The following QTMAN variants were observed in gnomAD, a reference collection of about 807,000 sequenced individuals.
QTMAN encodes the protein queuosine-tRNA mannosyltransferase, also known as tRNA-queuosine alpha-mannosyltransferase.
chr2:144,007,300 C>A, the QTMAN span: 774 of 1,613,140 alleles, frequency 4.8e-4, 17 homozygotes, highest in South Asian at 8.0e-3. Flanking sequence ...CTTGAATTAT[C>A]TGACGAGGTG....
chr2:144,274,501 C>T, the QTMAN span, among the ~76,000 whole-genome samples: 34 of 152,272 alleles, frequency 2.2e-4, no homozygotes, highest in African/African-American at 7.2e-4. Context: ...AGGGTCTGAA[C>T]GTTGATTGAG....
chr2:143,944,990 T>C, the QTMAN span: 4 of 151,982 alleles, frequency 2.6e-5, no homozygotes, highest in Admixed American at 1.3e-4. Context: ...TCTTAGCCAC[T>C]ATGAAGCGTA....
the QTMAN span, chr2:144,230,124 T>G: frequency 5.3e-5 from 8 of 152,178 alleles, no homozygotes; most frequent in Non-Finnish European, 1.2e-4. Flanking sequence ...GGTCCCTATA[T>G]GATATGAAGT....
At chr2:144,142,097 C>CTGA in the QTMAN span, 54 of 1,429,422 alleles carry the variant, frequency 3.8e-5, no homozygotes, top group Non-Finnish European at 4.4e-5. Flanking sequence ...AGCCCAGACT[C>CTGA]ATTCAGAGTA....
the QTMAN span, among the ~76,000 whole-genome samples, chr2:144,159,850 A>C: frequency 2.0e-5 from 3 of 152,128 alleles, no homozygotes; most frequent in South Asian, 2.1e-4. Context: ...AATGCAGATT[A>C]AGTATATATT....
At chr2:144,112,348 T>G in the QTMAN span, among the ~76,000 whole-genome samples, 3 of 152,112 alleles carry the variant, frequency 2.0e-5, no homozygotes, top group Non-Finnish European at 4.4e-5. Context: ...TTCTAATAAG[T>G]GGAGACAAGA....
At chr2:144,004,674 T>C in the QTMAN span, among the ~76,000 whole-genome samples, 182 of 152,144 alleles carry the variant, frequency 1.2e-3, 1 homozygote, top group African/African-American at 4.2e-3. Flanking sequence ...AGTAAATGTC[T>C]GCCTAGACCC....
chr2:143,945,949 AG>A, the QTMAN span: 1 of 152,256 alleles, frequency 6.6e-6, no homozygotes, highest in African/African-American at 2.4e-5. Context: ...CTCTGTCACA[AG>A]GAAAACGTTC....
the QTMAN span, among the ~76,000 whole-genome samples, chr2:144,073,539 G>A: frequency 1.3e-5 from 2 of 152,226 alleles, no homozygotes; most frequent in East Asian, 1.9e-4. Flanking sequence ...AGCCCAAGAA[G>A]TTCTGCATAG....
chr2:144,199,622 A>T, the QTMAN span, among the ~76,000 whole-genome samples: 1 of 152,144 alleles, frequency 6.6e-6, no homozygotes, highest in Non-Finnish European at 1.5e-5. Context: ...TTCCCCAAAA[A>T]TCTCTAGCTC....
the QTMAN span, among the ~76,000 whole-genome samples, chr2:144,148,961 C>T: frequency 6.6e-6 from 1 of 151,772 alleles, no homozygotes. Flanking sequence ...GCTCGTAAAA[C>T]GGTAAAGTGG....
the QTMAN span, among the ~76,000 whole-genome samples, chr2:144,014,215 G>T: frequency 2.6e-5 from 4 of 152,156 alleles, no homozygotes; most frequent in Non-Finnish European, 4.4e-5. Flanking sequence ...GTCTATGAAG[G>T]ATGTTTCAGT....
the QTMAN span, among the ~76,000 whole-genome samples, chr2:143,999,236 GCACA>G: frequency 6.6e-6 from 1 of 151,988 alleles, no homozygotes; most frequent in African/African-American, 2.4e-5. Context: ...ACACTGCACC[GCACA>G]GTGCCTTCGG....
chr2:144,146,797 T>C, the QTMAN span, among the ~76,000 whole-genome samples: 9 of 151,932 alleles, frequency 5.9e-5, no homozygotes, highest in Admixed American at 2.6e-4. Context: ...AACATCATTT[T>C]ACCTTTATGG....
the QTMAN span, chr2:144,128,205 G>A: frequency 1.3e-5 from 2 of 151,950 alleles, no homozygotes; most frequent in Non-Finnish European, 2.9e-5. Flanking sequence ...CAGGATCTGT[G>A]GTATCAAATC....
the QTMAN span, among the ~76,000 whole-genome samples, chr2:144,325,142 C>G: frequency 6.6e-6 from 1 of 152,194 alleles, no homozygotes. Context: ...GAAGGAATCA[C>G]GGTTCATCTA....
At chr2:144,272,791 A>G in the QTMAN span, among the ~76,000 whole-genome samples, 1 of 152,198 alleles carries the variant, frequency 6.6e-6, no homozygotes, top group Non-Finnish European at 1.5e-5. Context: ...ACTCTGGGGC[A>G]TTAAAAACTT....
chr2:144,239,734 T>C, the QTMAN span, among the ~76,000 whole-genome samples: 1 of 152,246 alleles, frequency 6.6e-6, no homozygotes, highest in African/African-American at 2.4e-5. Flanking sequence ...AATTCAGTGA[T>C]ATTTATAGCC....
At chr2:144,245,765 T>A in the QTMAN span, among the ~76,000 whole-genome samples, 2 of 151,986 alleles carry the variant, frequency 1.3e-5, no homozygotes, top group African/African-American at 4.8e-5. Context: ...AGGGAAAAAA[T>A]TTAAAGTAAG....
Sources: gnomAD v4.1 joint callset for allele counts (sites outside exome capture counted in the v4.1 genomes callset) on GRCh38, gnomAD v4.1.1 for gene constraint, MANE v1.5 for transcripts, NCBI Gene and HGNC (gene_info 2026-07-23, HGNC 2026-07-21) for gene names.